TF: variants seen among roughly 807,000 people sequenced by gnomAD.
TF encodes transferrin, also known as serotransferrin.
TF carries 55 observed loss-of-function variants against 82.4 expected under a neutral mutation model. That is an observed-to-expected ratio of 0.67 (90% CI 0.54 to 0.84). TF has a LOEUF of 0.84. Ranked by LOEUF, TF falls within the 40% of genes least tolerant of loss-of-function variation. TF has a pLI of 0.00. For missense variants in TF, 737 were observed against 868.4 expected (o/e 0.85, Z 1.90); for synonymous variants, 332 against 332.6 (o/e 1.00, Z 0.02).
chr3:133,764,177 T>C lies in TF; in HGVS notation c.1204-5T>C, dbSNP rs1299915085. 1.2e-6 allele frequency: 2 copies of C among 1,613,460 alleles called. No homozygotes were observed. Among genetic ancestry groups the C allele is most frequent in the Non-Finnish European group, 1.7e-6 (2 of 1,179,578 alleles). On this transcript the variant is annotated splice_region_variant and splice_polypyrimidine_tract_variant and intron_variant, in intron 9 of 16. Coordinates refer to ENST00000402696, the MANE Select transcript of TF (RefSeq NM_001063.4). ...CATCTGCTGTGATTTGCTGTGTCTTTGCAGAATGGAGAAGCTGATGCCATG... is the reference window on the plus strand; with the variant it reads ...CATCTGCTGTGATTTGCTGTGTCTTCGCAGAATGGAGAAGCTGATGCCATG...
chr3:133,683,976 A>G, the TF span, among the ~76,000 whole-genome samples: 1 of 152,246 alleles, frequency 6.6e-6, no homozygotes, highest in Non-Finnish European at 1.5e-5. Flanking sequence ...AGCAAATGTA[A>G]AAGAACAGAG....
chr3:133,793,058 C>G lies in TF; in HGVS notation c.*14438C>G, dbSNP rs1934879800. 2 of 152,070 alleles carry G rather than the reference C, an allele frequency of 1.3e-5. No homozygotes were observed. The allele number at this position is 152,070 out of a possible 1,614,324, so 9.4% of individuals were successfully genotyped here. A position where few individuals can be genotyped will look rare whatever the true frequency, so the allele number is the denominator to read the frequency against. ...TAAAAATTGGGGTTGACATTAATAG[C>G]ACACTAATGCAAGGGTGAAATTTGG... On this transcript the variant is annotated 3_prime_UTR_variant, in exon 17 of 17. Transcript: ENST00000402696.
upstream of TF, among the ~76,000 whole-genome samples, chr3:133,745,433 T>A (rs1312256761): frequency 6.6e-6 from 1 of 152,248 alleles, no homozygotes; most frequent in Non-Finnish European, 1.5e-5. Context: ...CATCTTTAGC[T>A]CATCCTTTTA....
At chr3:133,707,590 A>T in the TF span, 1 of 152,172 alleles carries the variant, frequency 6.6e-6, no homozygotes, top group Admixed American at 6.5e-5. Flanking sequence ...GAAGGACAAG[A>T]CGGACCTTCC....
At chr3:133,735,879 T>C in the TF span, among the ~76,000 whole-genome samples, 49 of 152,302 alleles carry the variant, frequency 3.2e-4, no homozygotes, top group Non-Finnish European at 5.1e-4. Context: ...TGGAAAAGAC[T>C]CTTCAGGATA....
In TF at chr3:133,768,833, C is replaced by A. The variant is rs984874551; in HGVS notation, c.1622+669C>A. 1.4e-4 allele frequency among the ~76,000 whole-genome samples: 20 copies of A among 139,756 alleles called. 1 individual carries two copies. Among genetic ancestry groups the A allele is most frequent in the Non-Finnish European group, 3.0e-4 (20 of 66,254 alleles). 91.7% of individuals were successfully genotyped at this position (139,756 alleles called of 152,430 possible). A position where few individuals can be genotyped will look rare whatever the true frequency, so the allele number is the denominator to read the frequency against. On this transcript the variant is annotated intron_variant, in intron 13 of 16. Transcript: ENST00000402696. ...TTGGAGACAGGAGCTCTCTCTGTTGCCCAGGCTGGAGTGTAGTGGCACACT... is the reference window on the plus strand; with the variant it reads ...TTGGAGACAGGAGCTCTCTCTGTTGACCAGGCTGGAGTGTAGTGGCACACT...
the TF span, among the ~76,000 whole-genome samples, chr3:133,693,645 G>C: frequency 2.0e-5 from 3 of 152,162 alleles, no homozygotes; most frequent in Admixed American, 6.5e-5. Context: ...CAGCTGTGCA[G>C]TGGCTGGTAG....
chr3:133,776,842 A>G (rs1361290667), intron 15 of TF, among the ~76,000 whole-genome samples: 1 of 152,130 alleles, frequency 6.6e-6, no homozygotes, highest in African/African-American at 2.4e-5. Context: ...GGGACCCTAT[A>G]GATGATTTTG....
At chr3:133,736,648 A>AAAAAAAAAAAAAAT in the TF span, among the ~76,000 whole-genome samples, 1 of 150,168 alleles carries the variant, frequency 6.7e-6, no homozygotes, top group Admixed American at 6.6e-5. Flanking sequence ...AAAAAAAAAA[A>AAAAAAAAAAAAAAT]AAAGCAGGGG....
rs1934526692 is a variant in TF, at chr3:133,782,097, A to T, written c.*3477A>T. 6.6e-6 allele frequency: 1 copy of T among 152,238 alleles called. No homozygotes were observed. Among genetic ancestry groups the T allele is most frequent in the South Asian group, 2.1e-4 (1 of 4,828 alleles). 9.4% of individuals were successfully genotyped at this position (152,238 alleles called of 1,614,324 possible). ...AAATGTGAATTGAAACCATTATGAG[A>T]CACTAGATAATAATAGGATGACTAT... On this transcript the variant is annotated 3_prime_UTR_variant, in exon 17 of 17. Transcript: ENST00000402696.
chr3:133,705,014 C>T, the TF span, among the ~76,000 whole-genome samples: 1 of 152,200 alleles, frequency 6.6e-6, no homozygotes, highest in Middle Eastern at 3.2e-3. Flanking sequence ...GTGGCTCACA[C>T]CTGTAATCCC....
the TF span, among the ~76,000 whole-genome samples, chr3:133,714,419 CA>C: frequency 2.0e-5 from 3 of 152,178 alleles, no homozygotes; most frequent in African/African-American, 7.2e-5. Flanking sequence ...CTGCCCTCTC[CA>C]AAGTTTTCTC....
At chr3:133,756,591 G>A (rs8177230) in intron 6 of TF, among the ~76,000 whole-genome samples, 4,365 of 152,222 alleles carry the variant, frequency 0.029, 199 homozygotes, top group African/African-American at 0.098. Flanking sequence ...AAGACTGGGG[G>A]TTGGTGCTGC....
rs1280453521 is a variant in TF at position 133,795,314 on chromosome 3, A to T, written c.*16694A>T. On this transcript the variant is annotated 3_prime_UTR_variant, in exon 17 of 17. Coordinates refer to ENST00000402696, the MANE Select transcript of TF (RefSeq NM_001063.4). ...GTATTATCCTCCTGATAGTCATAAT[A>T]ATAGTCTCCCTGGTGTGCTGTATTC... The T allele has an allele frequency of 6.6e-6, 1 of 152,208 alleles. No homozygotes were observed. Among genetic ancestry groups the T allele is most frequent in the African/African-American group, 2.4e-5 (1 of 41,452 alleles). 9.4% of individuals were successfully genotyped at this position (152,208 alleles called of 1,614,324 possible).
chr3:133,737,208 A>T, the TF span, among the ~76,000 whole-genome samples: 1 of 152,228 alleles, frequency 6.6e-6, no homozygotes, highest in Admixed American at 6.5e-5. Context: ...CCTGTTCCTG[A>T]ATGACTACTG....
the TF span, among the ~76,000 whole-genome samples, chr3:133,673,827 A>C: frequency 6.6e-6 from 1 of 152,188 alleles, no homozygotes; most frequent in East Asian, 1.9e-4. Flanking sequence ...ATGCATATTT[A>C]TTATACTTTA....
At chr3:133,759,054 G>A in intron 8 of TF, 121 bp from the exon 9 acceptor site, 1 of 1,232,422 alleles carries the variant, frequency 8.1e-7, no homozygotes, top group Non-Finnish European at 1.2e-6. Flanking sequence ...TTCCTTGAAT[G>A]GGGTCTGTTT....
chr3:133,665,091 A>G, the TF span: 1 of 152,180 alleles, frequency 6.6e-6, no homozygotes, highest in Non-Finnish European at 1.5e-5. Context: ...AGGCTGGAGG[A>G]TCACTTGAGG....
chr3:133,760,104 T>C (rs1046447894), intron 9 of TF, among the ~76,000 whole-genome samples: 1 of 152,004 alleles, frequency 6.6e-6, no homozygotes, highest in Non-Finnish European at 1.5e-5. Context: ...AGAGAGAACA[T>C]GAAGTGCCAA....
Sources: gnomAD v4.1 joint callset for allele counts (sites outside exome capture counted in the v4.1 genomes callset) on GRCh38, gnomAD v4.1.1 for gene constraint, MANE v1.5 for transcripts, NCBI Gene and HGNC (gene_info 2026-07-23, HGNC 2026-07-21) for gene names.